The following SEPSECS variants were observed in gnomAD, a reference collection of about 807,000 sequenced individuals.
SEPSECS encodes the protein O-phosphoseryl-tRNA(Sec) selenium transferase.
In SEPSECS, 42 loss-of-function variants were observed where a neutral mutation model predicts 52.1. The ratio of observed to expected loss-of-function variants is 0.81; its 90% CI spans 0.63 to 1.04. SEPSECS has a LOEUF of 1.04. Among genes scored for constraint, SEPSECS ranks in the 50% least tolerant of loss-of-function variants. The probability of loss-of-function intolerance (pLI) is 0.00; values close to 1 mark genes in which losing one functional copy is unlikely to be tolerated. For missense variants in SEPSECS, 590 were observed against 610.6 expected (o/e 0.97, Z 0.36); for synonymous variants, 216 against 211.4 (o/e 1.02, Z -0.19).
At chr4:25,125,490 T>C in intron 10 of SEPSECS, 1 of 572,168 alleles carries the variant, frequency 1.7e-6, no homozygotes, top group South Asian at 2.2e-5. Context: ...ATTCATGTCT[T>C]TTTGTGACTA....
intron 6 of SEPSECS, among the ~76,000 whole-genome samples, chr4:25,147,032 T>C (rs1712002869): frequency 1.3e-5 from 2 of 152,234 alleles, no homozygotes; most frequent in Admixed American, 6.5e-5. Flanking sequence ...CTGTTCACCT[T>C]GTTCATTATG....
chr4:25,160,199 G>A (rs1712981710), intron 1 of SEPSECS, 57 bp downstream of exon 1: 3 of 1,544,042 alleles, frequency 1.9e-6, no homozygotes, highest in African/African-American at 1.4e-5. Context: ...GGGGACGCCC[G>A]GCGGAGCCAG....
intron 6 of SEPSECS, among the ~76,000 whole-genome samples, chr4:25,146,456 C>A (rs1711969057): frequency 7.6e-6 from 1 of 131,864 alleles, no homozygotes; most frequent in African/African-American, 2.9e-5. Context: ...TAGAGAGATG[C>A]ATATAAGACT....
chr4:25,125,920 T>G (rs1482202515), intron 9 of SEPSECS, 136 bp from the exon 10 acceptor site: 2 of 687,736 alleles, frequency 2.9e-6, no homozygotes, highest in Admixed American at 4.5e-5. Context: ...ATGTACTTAA[T>G]AAATCTTAGG....
chr4:25,127,464 C>T (rs1341729188), intron 8 of SEPSECS, 107 bp from the exon 9 acceptor site: 3 of 803,586 alleles, frequency 3.7e-6, no homozygotes, highest in East Asian at 5.3e-5. Context: ...TTAACTCATC[C>T]ATGTGCCTTA....
chr4:25,137,836 C>T (rs1201971366), intron 8 of SEPSECS, among the ~76,000 whole-genome samples: 1 of 151,168 alleles, frequency 6.6e-6, no homozygotes, highest in Non-Finnish European at 1.5e-5. Flanking sequence ...CAATGATAGA[C>T]TGGATAAAGA....
chr4:25,149,724 G>A (rs1002882605), intron 6 of SEPSECS, among the ~76,000 whole-genome samples: 3 of 152,262 alleles, frequency 2.0e-5, no homozygotes, highest in Admixed American at 6.5e-5. Flanking sequence ...AAAGGGAAAG[G>A]AGGAATAAAA....
chr4:25,129,415 G>A (rs977343686), intron 8 of SEPSECS, among the ~76,000 whole-genome samples: 23 of 151,990 alleles, frequency 1.5e-4, no homozygotes, highest in African/African-American at 5.3e-4. Context: ...CCTGAGGTCA[G>A]GAGTTCGAGA....
chr4:25,123,870 G>C lies in SEPSECS; in HGVS notation c.*61C>G. 7.1e-7 allele frequency: 1 copy of C among 1,399,392 alleles called. No homozygotes were observed. Among genetic ancestry groups the C allele is most frequent in the Admixed American group, 1.7e-5 (1 of 59,326 alleles). The allele number at this position is 1,399,392 out of a possible 1,614,324, so 86.7% of individuals were successfully genotyped here. A position where few individuals can be genotyped will look rare whatever the true frequency, so the allele number is the denominator to read the frequency against. On this transcript the variant is annotated 3_prime_UTR_variant, in exon 11 of 11. Coordinates refer to ENST00000382103, the MANE Select transcript of SEPSECS (RefSeq NM_016955.4). The stretch of plus-strand genomic sequence containing the variant: ...AAATCTCAAGTCTTATCTTTAAACT[G>C]CTTGCTTGTACTACAGCCTTATCAT...
chr4:25,160,129 C>G (rs1359816311), intron 1 of SEPSECS, 127 bp downstream of exon 1: 1 of 1,482,790 alleles, frequency 6.7e-7, no homozygotes. Context: ...GCAAGCCAAG[C>G]TGAGACAGAC....
chr4:25,149,343 G>A (rs1712172700), intron 6 of SEPSECS, among the ~76,000 whole-genome samples: 1 of 152,064 alleles, frequency 6.6e-6, no homozygotes, highest in Admixed American at 6.6e-5. Context: ...TGGAATTACA[G>A]AGGGGAGCCA....
rs1560318871 is a variant in SEPSECS, at chr4:25,123,501, G to C, written c.*430C>G. The C allele has an allele frequency of 5.4e-6, 1 of 183,668 alleles. No homozygotes were observed. Among genetic ancestry groups the C allele is most frequent in the Non-Finnish European group, 1.2e-5 (1 of 86,188 alleles). 11.4% of individuals were successfully genotyped at this position (183,668 alleles called of 1,614,324 possible). A position where few individuals can be genotyped will look rare whatever the true frequency, so the allele number is the denominator to read the frequency against. On this transcript the variant is annotated 3_prime_UTR_variant, in exon 11 of 11. Coordinates refer to ENST00000382103, the MANE Select transcript of SEPSECS (RefSeq NM_016955.4). ...GGAATGCCCATTTTACAGGCACACT[G>C]TGACTTACACATCTCAACAAACAAC...
intron 2 of SEPSECS, 142 bp from the exon 3 acceptor site, chr4:25,157,116 G>C (rs1180029352): frequency 1.4e-6 from 1 of 699,234 alleles, no homozygotes; most frequent in Admixed American, 2.0e-5. Context: ...AACTATTAAT[G>C]ATGTGGAACT....
intron 1 of SEPSECS, chr4:25,160,045 T>C: frequency 1.0e-6 from 1 of 985,126 alleles, no homozygotes; most frequent in Non-Finnish European, 1.2e-6. Context: ...CAACACCCCC[T>C]CCTAACAACA....
Position 25,136,279 on chromosome 4 carries a change from T to C in SEPSECS, c.1026+8495A>G, listed in dbSNP as rs535588072. On this transcript the variant is annotated intron_variant, in intron 8 of 10. Transcript: ENST00000382103. ...AAGTCAAACTGTCTCTGGTTGCAGA[T>C]GACATGATACTGTAGCTAGAAAACC... 7.2e-5 allele frequency among the ~76,000 whole-genome samples: 11 copies of C among 152,260 alleles called. No individual in the cohort carries two copies. In the East Asian group the frequency reaches 1.5e-3, roughly 21 times the overall value.
chr4:25,158,420 T>C (rs145276567), intron 2 of SEPSECS, among the ~76,000 whole-genome samples: 11 of 152,308 alleles, frequency 7.2e-5, no homozygotes, highest in African/African-American at 2.4e-4. Context: ...GTTATCAGAA[T>C]TGATGAAAAG....
intron 1 of SEPSECS, chr4:25,159,924 GA>G: frequency 1.0e-6 from 1 of 985,408 alleles, no homozygotes; most frequent in Non-Finnish European, 1.2e-6. Flanking sequence ...GAGGGTTGGT[GA>G]AAGATGGAGG....
intron 8 of SEPSECS, among the ~76,000 whole-genome samples, chr4:25,132,118 C>T (rs1728633755): frequency 6.6e-6 from 1 of 152,140 alleles, no homozygotes; most frequent in Non-Finnish European, 1.5e-5. Flanking sequence ...TCCTTTCACC[C>T]TTCAAAAAAG....
chr4:25,120,439 G>A lies in SEPSECS; in HGVS notation c.*3492C>T, dbSNP rs577710771. 6.6e-6 allele frequency: 1 copy of A among 152,240 alleles called. No homozygotes were observed. The highest frequency in any genetic ancestry group is 1.9e-4 in the East Asian group (1 of 5,182). The allele number at this position is 152,240 out of a possible 1,614,324, so 9.4% of individuals were successfully genotyped here. On this transcript the variant is annotated 3_prime_UTR_variant, in exon 11 of 11. Coordinates refer to ENST00000382103, the MANE Select transcript of SEPSECS (RefSeq NM_016955.4). Reference sequence around the variant, plus strand: ...GTCTGTTTACTAAGATTGGCCATAAGAGACATTAACCAACATAATATGACA... The same window carrying A: ...GTCTGTTTACTAAGATTGGCCATAAAAGACATTAACCAACATAATATGACA...
Sources: allele counts gnomAD v4.1 joint callset (sites outside exome capture counted in the v4.1 genomes callset), GRCh38; gene constraint gnomAD v4.1.1; transcripts MANE v1.5; gene names NCBI Gene and HGNC (gene_info 2026-07-23, HGNC 2026-07-21).